PHACTR1: variants seen among roughly 807,000 people sequenced by gnomAD.
The protein encoded by PHACTR1 is RPEL repeat containing 1.
In PHACTR1, 16 loss-of-function variants were observed where a neutral mutation model predicts 69.2. That is an observed-to-expected ratio of 0.23 (90% CI 0.16 to 0.35). The LOEUF is 0.35. Ranked by LOEUF, PHACTR1 falls within the 10% of genes least tolerant of loss-of-function variation. The pLI is 1.00. For missense variants in PHACTR1, 510 were observed against 734.7 expected (o/e 0.69, Z 3.54); for synonymous variants, 312 against 284.5 (o/e 1.10, Z -0.97).
In PHACTR1 at chr6:13,269,703, A is replaced by G. The variant is rs187343500; in HGVS notation, c.1392-3157A>G. Among the ~76,000 whole-genome samples, 20 of 152,214 alleles carry G rather than the reference A, an allele frequency of 1.3e-4. No homozygotes were observed. The East Asian group carries it at 3.5e-3, about 26-fold the overall frequency. On this transcript the variant is annotated intron_variant, in intron 10 of 14. Transcript: ENST00000332995. ...AAAAACTAGCACGGGGCATGGTGGC[A>G]CGCACCTGTAATCCCAGCTACTCAG...
In PHACTR1 at chr6:12,807,969, G is replaced by T. The variant is rs188457291; in HGVS notation, c.250+58179G>T. 4.2e-3 allele frequency among the ~76,000 whole-genome samples: 637 copies of T among 152,240 alleles called. 5 individuals carry two copies. The highest frequency in any genetic ancestry group is 0.015 in the African/African-American group (615 of 41,548). On this transcript the variant is annotated intron_variant, in intron 4 of 14. Coordinates refer to ENST00000332995, the MANE Select transcript of PHACTR1 (RefSeq NM_030948.6). ...TTTAGATACTCACACCTCAGCTTTG[G>T]TTATTTTAGGCAGATTTACAGTCAG...
chr6:12,724,357 T>TA (rs1374082745), intron 3 of PHACTR1, among the ~76,000 whole-genome samples: 1 of 151,978 alleles, frequency 6.6e-6, no homozygotes, highest in Non-Finnish European at 1.5e-5. Context: ...AAAATAAAAA[T>TA]AAAAATGACT....
At chr6:13,206,182 TG>T in intron 8 of PHACTR1, 46 bp downstream of exon 8, 1 of 1,482,950 alleles carries the variant, frequency 6.7e-7, no homozygotes, top group Non-Finnish European at 9.1e-7. Context: ...AGGGGTTGGC[TG>T]GGGAGGGGGG....
chr6:13,206,755 TACACCC>T (rs758816166), intron 8 of PHACTR1, among the ~76,000 whole-genome samples: 2 of 152,048 alleles, frequency 1.3e-5, no homozygotes, highest in African/African-American at 2.4e-5. Context: ...AGGGCACACT[TACACCC>T]ACACCCACAC....
chr6:13,108,231 CAT>C (rs1227958901), intron 5 of PHACTR1, among the ~76,000 whole-genome samples: 3 of 151,996 alleles, frequency 2.0e-5, no homozygotes, highest in Admixed American at 6.6e-5. Flanking sequence ...TCATTGCAGT[CAT>C]AGAACATATT....
intron 4 of PHACTR1, chr6:12,958,058 T>A: frequency 1.0e-6 from 1 of 963,624 alleles, no homozygotes; most frequent in Non-Finnish European, 1.2e-6. Flanking sequence ...GCGTCTGAAA[T>A]CATGTTATTG....
intron 7 of PHACTR1, among the ~76,000 whole-genome samples, chr6:13,197,012 T>C (rs1308151580): frequency 1.3e-5 from 2 of 152,230 alleles, no homozygotes; most frequent in African/African-American, 4.8e-5. Context: ...AGGTGGATTT[T>C]CAGAAGTGTG....
intron 4 of PHACTR1, among the ~76,000 whole-genome samples, chr6:13,016,633 T>G (rs1174984741): frequency 7.4e-6 from 1 of 135,456 alleles, no homozygotes; most frequent in East Asian, 2.1e-4. Flanking sequence ...TACTCAAGAG[T>G]TTTTTTTTTT....
rs901667855 is a variant in PHACTR1, at chr6:13,275,791, C to T, written c.1448-2477C>T. 3.3e-5 allele frequency: 5 copies of T among 152,336 alleles called. No individual in the cohort carries two copies. Among genetic ancestry groups the T allele is most frequent in the Middle Eastern group, 3.4e-3 (1 of 294 alleles). 9.4% of individuals were successfully genotyped at this position (152,336 alleles called of 1,614,324 possible). A position where few individuals can be genotyped will look rare whatever the true frequency, so the allele number is the denominator to read the frequency against. ...TAAATTTTCACCGTGTGCCCTCTAG[C>T]TGTCCCTGGTGACCCAACATCCAGA... is the stretch of plus-strand genomic sequence containing the variant. On this transcript the variant is annotated intron_variant, in intron 11 of 14. Transcript: ENST00000332995. The surrounding 1 kb of genome is among the most constrained non-coding windows in gnomAD (Gnocchi z 4.0).
chr6:13,062,183 A>G (rs892934450), intron 5 of PHACTR1, among the ~76,000 whole-genome samples: 7 of 152,172 alleles, frequency 4.6e-5, no homozygotes, highest in Non-Finnish European at 1.0e-4. Context: ...TTTTATTTGC[A>G]ACAGAAGACT....
intron 7 of PHACTR1, among the ~76,000 whole-genome samples, chr6:13,189,882 C>T (rs1165075206): frequency 6.6e-6 from 1 of 152,046 alleles, no homozygotes; most frequent in Non-Finnish European, 1.5e-5. Flanking sequence ...TCTCTTAGTT[C>T]TGGAGGCTGG....
At chr6:13,243,342 C>T (rs73725639) in intron 10 of PHACTR1, among the ~76,000 whole-genome samples, 2,144 of 151,670 alleles carry the variant, frequency 0.014, 43 homozygotes, top group African/African-American at 0.048. Flanking sequence ...TCATTTCTCT[C>T]ATAATTTTAC....
At chr6:12,781,239 G>A (rs1029623469) in intron 4 of PHACTR1, among the ~76,000 whole-genome samples, 11 of 152,132 alleles carry the variant, frequency 7.2e-5, no homozygotes, top group African/African-American at 2.4e-4. Context: ...CCACATGCTG[G>A]ATCTGGGATG....
At chr6:13,119,792 T>C (rs1008997000) in intron 5 of PHACTR1, among the ~76,000 whole-genome samples, 1 of 152,214 alleles carries the variant, frequency 6.6e-6, no homozygotes, top group African/African-American at 2.4e-5. Flanking sequence ...GCAGAACAGA[T>C]GTTTCCATGA....
At chr6:12,958,375 TAA>T (rs2127562445) in intron 4 of PHACTR1, among the ~76,000 whole-genome samples, 1 of 152,288 alleles carries the variant, frequency 6.6e-6, no homozygotes, top group East Asian at 1.9e-4. Flanking sequence ...GTTTCTGACT[TAA>T]AGAGACAGGA....
intron 4 of PHACTR1, among the ~76,000 whole-genome samples, chr6:12,919,052 T>G (rs1421296529): frequency 2.6e-5 from 4 of 152,218 alleles, no homozygotes; most frequent in Non-Finnish European, 4.4e-5. Context: ...GGTCTCGAAC[T>G]CCTGAGCTCA....
chr6:12,743,915 T>C (rs1765415470), intron 3 of PHACTR1, among the ~76,000 whole-genome samples: 1 of 152,152 alleles, frequency 6.6e-6, no homozygotes, highest in African/African-American at 2.4e-5. Context: ...AGTAAAGCAC[T>C]CCTCAGCAAA....
intron 4 of PHACTR1, among the ~76,000 whole-genome samples, chr6:13,032,272 G>A (rs1268258530): frequency 6.6e-6 from 1 of 152,056 alleles, no homozygotes; most frequent in Admixed American, 6.6e-5. Flanking sequence ...TTAAATGTTG[G>A]CTATCCTAAA....
intron 3 of PHACTR1, among the ~76,000 whole-genome samples, chr6:12,741,910 T>G (rs1156755806): frequency 6.6e-6 from 1 of 152,210 alleles, no homozygotes; most frequent in African/African-American, 2.4e-5. Flanking sequence ...ACTTTTCACT[T>G]ACTTAGGTCT....
Sources: gnomAD v4.1 joint callset for allele counts (sites outside exome capture counted in the v4.1 genomes callset) on GRCh38, gnomAD v4.1.1 for gene constraint, Gnocchi (gnomAD v3.1) non-coding constraint, MANE v1.5 for transcripts, NCBI Gene and HGNC (gene_info 2026-07-23, HGNC 2026-07-21) for gene names.